CATSPERT: variants seen among roughly 807,000 people sequenced by gnomAD.
The protein encoded by CATSPERT is catsper channel auxiliary subunit tau, also known as cation channel sperm-associated targeting subunit tau.
At chr2:201,562,602 A>G in the CATSPERT span, among the ~76,000 whole-genome samples, 1 of 137,210 alleles carries the variant, frequency 7.3e-6, no homozygotes, top group African/African-American at 2.6e-5. Context: ...AGTGGAGGGA[A>G]GGTCAGCAGA....
chr2:201,547,187 C>T, the CATSPERT span, among the ~76,000 whole-genome samples: 1 of 151,966 alleles, frequency 6.6e-6, no homozygotes, highest in African/African-American at 2.4e-5. Flanking sequence ...GTGATAAAAA[C>T]GTTCTAAAAT....
the CATSPERT span, chr2:201,496,013 AG>A: frequency 8.1e-7 from 1 of 1,233,684 alleles, no homozygotes; most frequent in African/African-American, 1.5e-5. Context: ...TTGTAATATA[AG>A]AATATCAAGA....
the CATSPERT span, among the ~76,000 whole-genome samples, chr2:201,562,505 T>C: frequency 1.8e-5 from 2 of 113,896 alleles, no homozygotes; most frequent in Admixed American, 9.9e-5. Context: ...AATAATTCTT[T>C]ATTTATTTAT....
At chr2:201,506,330 A>G in the CATSPERT span, among the ~76,000 whole-genome samples, 2 of 152,196 alleles carry the variant, frequency 1.3e-5, no homozygotes, top group Non-Finnish European at 2.9e-5. Flanking sequence ...AATGATGCCA[A>G]ATTTTTAGGT....
chr2:201,608,116 G>A, the CATSPERT span, among the ~76,000 whole-genome samples: 1 of 152,108 alleles, frequency 6.6e-6, no homozygotes, highest in African/African-American at 2.4e-5. Context: ...GGCTGAGCTG[G>A]GACTCATATA....
At chr2:201,516,443 C>T in the CATSPERT span, among the ~76,000 whole-genome samples, 1 of 152,054 alleles carries the variant, frequency 6.6e-6, no homozygotes, top group Admixed American at 6.6e-5. Context: ...AGGGGAAGTG[C>T]CACACTTTTA....
chr2:201,616,654 G>C, the CATSPERT span, among the ~76,000 whole-genome samples: 1 of 152,060 alleles, frequency 6.6e-6, no homozygotes. Flanking sequence ...GCACAAGACA[G>C]GGATGCCCTC....
At chr2:201,511,260 G>A in the CATSPERT span, among the ~76,000 whole-genome samples, 3 of 152,140 alleles carry the variant, frequency 2.0e-5, no homozygotes, top group Admixed American at 6.5e-5. Context: ...CTGATCCAAC[G>A]ATTCTACTTT....
At chr2:201,614,424 A>G in the CATSPERT span, among the ~76,000 whole-genome samples, 1 of 152,248 alleles carries the variant, frequency 6.6e-6, no homozygotes, top group African/African-American at 2.4e-5. Flanking sequence ...TAAAGAAAAG[A>G]ATTTTCAACC....
the CATSPERT span, among the ~76,000 whole-genome samples, chr2:201,617,366 A>T: frequency 6.6e-6 from 1 of 152,196 alleles, no homozygotes; most frequent in African/African-American, 2.4e-5. Flanking sequence ...AGAGATATAG[A>T]CCAATGGAAC....
At chr2:201,567,122 ACTCACGATTTTCCCCTT>A in the CATSPERT span, among the ~76,000 whole-genome samples, 1 of 152,118 alleles carries the variant, frequency 6.6e-6, no homozygotes, top group Non-Finnish European at 1.5e-5. Flanking sequence ...CCAAAATAGA[ACTCACGATTTTCCCCTT>A]CTCCAGATAT....
At chr2:201,574,616 G>A in the CATSPERT span, among the ~76,000 whole-genome samples, 2,107 of 152,136 alleles carry the variant, frequency 0.014, 51 homozygotes, top group African/African-American at 0.049. Flanking sequence ...ATTCATGTAT[G>A]TATATTTTTA....
the CATSPERT span, chr2:201,618,899 C>G: frequency 1.2e-6 from 2 of 1,613,422 alleles, no homozygotes; most frequent in Admixed American, 1.7e-5. Flanking sequence ...CGCTCACTCA[C>G]GTTCAGCAGC....
the CATSPERT span, among the ~76,000 whole-genome samples, chr2:201,500,370 C>G: frequency 1.3e-5 from 2 of 152,022 alleles, no homozygotes; most frequent in Non-Finnish European, 2.9e-5. Flanking sequence ...AAAAATTAGC[C>G]GGGCATGGTG....
chr2:201,547,630 A>T, the CATSPERT span: 1 of 1,348,662 alleles, frequency 7.4e-7, no homozygotes, highest in Non-Finnish European at 1.0e-6. Context: ...GAAATAAGTT[A>T]TGAATGAAAA....
At chr2:201,554,084 A>G in the CATSPERT span, 1 of 152,234 alleles carries the variant, frequency 6.6e-6, no homozygotes, top group African/African-American at 2.4e-5. Flanking sequence ...TATGGTAAGC[A>G]TAATTACCAA....
At chr2:201,543,006 C>G in the CATSPERT span, among the ~76,000 whole-genome samples, 86 of 152,268 alleles carry the variant, frequency 5.6e-4, no homozygotes, top group East Asian at 0.016. Context: ...AGTCATTAAT[C>G]CATTGAGAAT....
chr2:201,491,705 C>T, the CATSPERT span: 2 of 1,537,038 alleles, frequency 1.3e-6, no homozygotes, highest in Non-Finnish European at 1.7e-6. Context: ...GTTAATACTG[C>T]TTCAGGTTTT....
At chr2:201,586,639 C>A in the CATSPERT span, among the ~76,000 whole-genome samples, 2 of 151,856 alleles carry the variant, frequency 1.3e-5, no homozygotes, top group African/African-American at 4.8e-5. Context: ...TCTATTTCAT[C>A]AATATTTTCA....
Sources: allele counts gnomAD v4.1 joint callset (sites outside exome capture counted in the v4.1 genomes callset), GRCh38; gene constraint gnomAD v4.1.1; transcripts MANE v1.5; gene names NCBI Gene and HGNC (gene_info 2026-07-23, HGNC 2026-07-21).